The following SLC17A8 variants were observed in gnomAD, a reference collection of about 807,000 sequenced individuals.
The protein encoded by SLC17A8 is solute carrier family 17 member 8.
Under a neutral mutation model 58.0 loss-of-function variants are expected in SLC17A8, and 31 were observed. The observed-to-expected ratio is 0.53, with a 90% CI of 0.40 to 0.72. SLC17A8 has a LOEUF of 0.72. Among genes scored for constraint, SLC17A8 ranks in the 30% least tolerant of loss-of-function variants. The pLI is 0.00. For synonymous variants in SLC17A8, 228 were observed against 249.0 expected (o/e 0.92, Z 0.79); for missense variants, 655 against 727.8 (o/e 0.90, Z 1.15).
chr12:100,400,013 A>T (rs1645478460), intron 5 of SLC17A8, among the ~76,000 whole-genome samples: 1 of 152,174 alleles, frequency 6.6e-6, no homozygotes, highest in South Asian at 2.1e-4. Context: ...AATGGGGGTC[A>T]TATTGGTACT....
At chr12:100,360,966 A>G (rs1952480511) in intron 1 of SLC17A8, among the ~76,000 whole-genome samples, 1 of 152,164 alleles carries the variant, frequency 6.6e-6, no homozygotes, top group African/African-American at 2.4e-5. Context: ...TTTAAATGAA[A>G]CTAGTCCCTG....
intron 1 of SLC17A8, among the ~76,000 whole-genome samples, chr12:100,371,369 A>G (rs933897432): frequency 6.6e-6 from 1 of 152,122 alleles, no homozygotes; most frequent in Non-Finnish European, 1.5e-5. Context: ...ATCCCACTGC[A>G]ATACTCCTCC....
intron 11 of SLC17A8, among the ~76,000 whole-genome samples, chr12:100,419,526 C>T (rs1386180670): frequency 3.3e-5 from 5 of 149,962 alleles, no homozygotes; most frequent in South Asian, 4.2e-4. Flanking sequence ...GAGCGAGACT[C>T]CATCTCAAAA....
chr12:100,368,235 T>C (rs990504755), intron 1 of SLC17A8, among the ~76,000 whole-genome samples: 1 of 152,220 alleles, frequency 6.6e-6, no homozygotes, highest in Non-Finnish European at 1.5e-5. Flanking sequence ...GGAGGCCTCA[T>C]GCTTGCCTCT....
At chr12:100,401,353 A>C (rs987819440) in intron 5 of SLC17A8, among the ~76,000 whole-genome samples, 3 of 151,646 alleles carry the variant, frequency 2.0e-5, no homozygotes, top group African/African-American at 7.3e-5. Flanking sequence ...CTTTTAAATA[A>C]TTCAATGTCC....
At chr12:100,396,549 G>T (rs755795029) in intron 5 of SLC17A8, 132 bp downstream of exon 5, 7 of 694,796 alleles carry the variant, frequency 1.0e-5, no homozygotes, top group Non-Finnish European at 1.6e-5. Flanking sequence ...AGGAGTTCGA[G>T]ATCAGCCTGG....
chr12:100,412,952 A>G, intron 10 of SLC17A8, 72 bp downstream of exon 10: 1 of 1,185,176 alleles, frequency 8.4e-7, no homozygotes, highest in Non-Finnish European at 1.3e-6. Context: ...AAGGACAAGG[A>G]TATTGTAGCA....
intron 9 of SLC17A8, among the ~76,000 whole-genome samples, chr12:100,407,465 G>A (rs753387499): frequency 1.3e-5 from 2 of 152,140 alleles, no homozygotes; most frequent in African/African-American, 2.4e-5. Flanking sequence ...CAAAGTGCCT[G>A]TTGAGAGGAA....
At chr12:100,418,269 G>A in intron 11 of SLC17A8, 113 bp downstream of exon 11, 1 of 1,342,132 alleles carries the variant, frequency 7.5e-7, no homozygotes, top group Non-Finnish European at 1.1e-6. Context: ...CCTTGACCTT[G>A]ACTGAGTCAG....
At position 100,401,643 on chromosome 12, in the gene SLC17A8, G is replaced by T. The variant is rs568323176; in HGVS notation, c.677-134G>T. The T allele has an allele frequency of 2.2e-4, 172 of 768,972 alleles. 1 individual carries two copies. In the South Asian group the frequency reaches 2.4e-3, roughly 11 times the overall value. 47.6% of individuals were successfully genotyped at this position (768,972 alleles called of 1,614,324 possible). A position where few individuals can be genotyped will look rare whatever the true frequency, so the allele number is the denominator to read the frequency against. On this transcript the variant is annotated intron_variant, in intron 5 of 11. Coordinates refer to ENST00000323346, the MANE Select transcript of SLC17A8 (RefSeq NM_139319.3). ...CTGTTCTGTGGCACACTGGGAGTTT[G>T]CCTGTCTCTGCACGGAGGCAGTCTG...
intron 1 of SLC17A8, among the ~76,000 whole-genome samples, chr12:100,364,693 A>C (rs1952507795): frequency 6.6e-6 from 1 of 152,206 alleles, no homozygotes; most frequent in African/African-American, 2.4e-5. Flanking sequence ...TCTCTTCCCC[A>C]GATCTTTTTC....
At chr12:100,411,900 T>A (rs557208926) in intron 9 of SLC17A8, among the ~76,000 whole-genome samples, 2 of 152,172 alleles carry the variant, frequency 1.3e-5, no homozygotes, top group South Asian at 4.2e-4. Context: ...AATAGAAAAA[T>A]TTTGACTTTT....
intron 10 of SLC17A8, among the ~76,000 whole-genome samples, chr12:100,415,764 C>T (rs184193167): frequency 1.3e-5 from 2 of 152,302 alleles, no homozygotes; most frequent in African/African-American, 4.8e-5. Flanking sequence ...TTCATTTAAT[C>T]CTCATTGCAA....
At chr12:100,402,560 C>A (rs778054930) in intron 7 of SLC17A8, 36 bp from the exon 8 acceptor site, 33 of 1,612,526 alleles carry the variant, frequency 2.0e-5, no homozygotes, top group East Asian at 6.7e-5. Context: ...ATGTCAATAT[C>A]TTTACTAAAA....
intron 2 of SLC17A8, among the ~76,000 whole-genome samples, chr12:100,386,274 T>C (rs1302998169): frequency 6.6e-6 from 1 of 152,194 alleles, no homozygotes. Context: ...AGGGCCATTT[T>C]TTTAAAAATT....
At chr12:100,363,524 GC>G (rs1437233023) in intron 1 of SLC17A8, among the ~76,000 whole-genome samples, 3 of 152,004 alleles carry the variant, frequency 2.0e-5, no homozygotes, top group Non-Finnish European at 4.4e-5. Flanking sequence ...CCACCACCAT[GC>G]CCGGCTAATT....
At chr12:100,395,286 C>T (rs890244674) in intron 4 of SLC17A8, among the ~76,000 whole-genome samples, 29 of 151,764 alleles carry the variant, frequency 1.9e-4, no homozygotes, top group African/African-American at 6.5e-4. Context: ...ATTTGGGCTT[C>T]TACAGAATAC....
At chr12:100,361,932 G>T (rs1422035700) in intron 1 of SLC17A8, among the ~76,000 whole-genome samples, 4 of 152,052 alleles carry the variant, frequency 2.6e-5, no homozygotes, top group Non-Finnish European at 5.9e-5. Context: ...CTGCACTCCA[G>T]CCTGGACGAC....
At chr12:100,401,755 C>T in intron 5 of SLC17A8, 22 bp from the exon 6 acceptor site, 3 of 1,592,732 alleles carry the variant, frequency 1.9e-6, no homozygotes, top group Non-Finnish European at 2.6e-6. Flanking sequence ...GGTCAGATTC[C>T]CTCAATCTTT....
Sources: allele counts gnomAD v4.1 joint callset (sites outside exome capture counted in the v4.1 genomes callset), GRCh38; gene constraint gnomAD v4.1.1; transcripts MANE v1.5; gene names NCBI Gene and HGNC (gene_info 2026-07-23, HGNC 2026-07-21).